Variants in MYLK3 observed in about 807,000 individuals in gnomAD.
The protein encoded by MYLK3 is myosin light chain kinase 3.
MYLK3 carries 55 observed loss-of-function variants against 76.3 expected under a neutral mutation model. The ratio of observed to expected loss-of-function variants is 0.72; its 90% CI spans 0.58 to 0.90. The LOEUF is 0.90. MYLK3 is among the 40% of genes least tolerant of loss of function. The pLI is 0.00. For missense variants in MYLK3, 973 were observed against 1,053.6 expected (o/e 0.92, Z 1.06); for synonymous variants, 416 against 425.4 (o/e 0.98, Z 0.27).
At chr16:46,747,080 A>C (rs561077541) in intron 1 of MYLK3, among the ~76,000 whole-genome samples, 1 of 152,124 alleles carries the variant, frequency 6.6e-6, no homozygotes, top group Non-Finnish European at 1.5e-5. Context: ...TGTTCCCTCT[A>C]CAGACCTCAC....
chr16:46,752,589 T>G (rs951330553), upstream of MYLK3, among the ~76,000 whole-genome samples: 1 of 152,168 alleles, frequency 6.6e-6, no homozygotes, highest in African/African-American at 2.4e-5. Flanking sequence ...CAGGCTTTAT[T>G]AACCCAGGAC....
At position 46,721,192 on chromosome 16, in the gene MYLK3, G is replaced by A. The variant is rs192689311; in HGVS notation, c.1916C>T (p.Pro639Leu). The change falls in exon 9 of 13, where the codon CCG becomes CTG. Residue 639 changes from proline to leucine, a missense_variant and splice_region_variant. By Grantham distance (98) the Pro-to-Leu change is moderately conservative. This residue lies in a region of MYLK3 where 332 missense variants were observed against 416.6 expected (regional missense o/e 0.80). Transcript: ENST00000394809. The part of the protein sequence containing the change: ...QHYILHLDLK[P>L]ENILCVNQTG... ...CTGATTGACGCACAATATGTTCTCC[G>A]GCTGGGAAAGAAAGAAGTCTGCTTA... The A allele has an allele frequency of 5.2e-5, 84 of 1,614,120 alleles. 1 individual carries two copies. Among genetic ancestry groups the A allele is most frequent in the Admixed American group, 3.3e-4 (20 of 60,018 alleles).
At position 46,732,201 on chromosome 16, in the gene MYLK3, C is replaced by G; in HGVS notation, c.1462+7G>C. On this transcript the variant is annotated splice_region_variant and intron_variant, in intron 4 of 12. Transcript: ENST00000394809. ...CTCGTGTCTAGCCAGGCAACAGCCC[C>G]ACTTACCCAGAACCACGCTGCCAGC... is the stretch of plus-strand genomic sequence containing the variant. The G allele has an allele frequency of 6.4e-7, 1 of 1,570,112 alleles. No individual in the cohort carries two copies. The highest frequency in any genetic ancestry group is 2.3e-5 in the East Asian group (1 of 44,424).
intron 8 of MYLK3, chr16:46,726,711 A>G (rs1156508379): frequency 6.7e-6 from 1 of 150,210 alleles, no homozygotes; most frequent in Non-Finnish European, 1.5e-5. Flanking sequence ...GAAAGAAAGA[A>G]AGAAAGAAAG....
At position 46,702,415 on chromosome 16, in the gene MYLK3, A is replaced by G. The variant is rs1282899217; in HGVS notation, c.*5289T>C. Among the ~76,000 whole-genome samples, 1 of 152,208 alleles carries G rather than the reference A, an allele frequency of 6.6e-6. No individual in the cohort carries two copies. The highest frequency in any genetic ancestry group is 6.5e-5 in the Admixed American group (1 of 15,274). On this transcript the variant is annotated 3_prime_UTR_variant, in exon 13 of 13. Transcript: ENST00000394809. ...ACATCACCTAGACCCAAGTTATTAG[A>G]TGTTGCCATACTTGCTTAACTATAC...
intron 9 of MYLK3, 77 bp from the exon 10 acceptor site, chr16:46,712,853 G>A: frequency 1.3e-5 from 18 of 1,385,568 alleles, no homozygotes; most frequent in Non-Finnish European, 1.7e-5. Context: ...TTTCTGGTGG[G>A]ATGCAGACAT....
chr16:46,753,160 G>C (rs1332992193), upstream of MYLK3, among the ~76,000 whole-genome samples: 1 of 152,200 alleles, frequency 6.6e-6, no homozygotes, highest in Non-Finnish European at 1.5e-5. Context: ...GAATACAAAA[G>C]CTGGCATGGA....
At position 46,707,683 on chromosome 16, in the gene MYLK3, T is replaced by A; in HGVS notation, c.*21A>T. Reference sequence around the variant, plus strand: ...CTGGCCTCAGTAATTTCTGGACCCATTGGAGCAGCAGAGTTGAAGATTAGG... The same window carrying A: ...CTGGCCTCAGTAATTTCTGGACCCAATGGAGCAGCAGAGTTGAAGATTAGG... On this transcript the variant is annotated 3_prime_UTR_variant, in exon 13 of 13. Coordinates refer to ENST00000394809, the MANE Select transcript of MYLK3 (RefSeq NM_182493.3). 1.3e-6 allele frequency: 2 copies of A among 1,577,764 alleles called. No individual in the cohort carries two copies. The highest frequency in any genetic ancestry group is 1.7e-6 in the Non-Finnish European group (2 of 1,148,102).
intron 3 of MYLK3, among the ~76,000 whole-genome samples, chr16:46,735,488 G>A (rs1402694914): frequency 6.6e-6 from 1 of 152,130 alleles, no homozygotes; most frequent in Non-Finnish European, 1.5e-5. Flanking sequence ...TTACAAGCAT[G>A]AGCCACTGTG....
At chr16:46,726,074 G>A (rs1966840024) in intron 8 of MYLK3, 1 of 152,162 alleles carries the variant, frequency 6.6e-6, no homozygotes. Context: ...AGCACCATTT[G>A]TTGAATAGGG....
chr16:46,727,329 G>C lies in MYLK3; in HGVS notation c.1821C>G (p.His607Gln), dbSNP rs1412745879. Residue 607 changes from histidine to glutamine, a missense_variant, in exon 8 of 13, where the codon CAC becomes CAG. Coordinates refer to ENST00000394809, the MANE Select transcript of MYLK3 (RefSeq NM_182493.3). ...ACAGGACCACATCCAGCTCAGTCAG[G>C]TGGTACTTCTCATCTGTGATCCGGT... ...LFDRITDEKY[H>Q]LTELDVVLFT... is the part of the protein sequence containing the mutation. 1 of 1,613,824 alleles carries C rather than the reference G, an allele frequency of 6.2e-7. No individual in the cohort carries two copies. Among genetic ancestry groups the C allele is most frequent in the African/African-American group, 1.3e-5 (1 of 74,950 alleles).
Position 46,732,198 on chromosome 16 carries a change from C to A in MYLK3, c.1462+10G>T. 2.6e-6 allele frequency: 4 copies of A among 1,563,106 alleles called. No homozygotes were observed. Among genetic ancestry groups the A allele is most frequent in the Non-Finnish European group, 3.5e-6 (4 of 1,158,478 alleles). ...GGGCTCGTGTCTAGCCAGGCAACAG[C>A]CCCACTTACCCAGAACCACGCTGCC... is the stretch of plus-strand genomic sequence containing the variant. On this transcript the variant is annotated intron_variant, in intron 4 of 12. Coordinates refer to ENST00000394809, the MANE Select transcript of MYLK3 (RefSeq NM_182493.3).
rs1478924228 is a variant in MYLK3 at position 46,732,166 on chromosome 16, C to A, written c.1462+42G>T. 2.0e-6 allele frequency: 3 copies of A among 1,495,470 alleles called. No individual in the cohort carries two copies. In the South Asian group the frequency reaches 3.9e-5, roughly 19 times the overall value. The allele number at this position is 1,495,470 out of a possible 1,614,324, so 92.6% of individuals were successfully genotyped here. A position where few individuals can be genotyped will look rare whatever the true frequency, so the allele number is the denominator to read the frequency against. Reference sequence around the variant, plus strand: ...CAGGAGTAGGGGCTCCAAACTCCCTCCCCTCAGGGCTCGTGTCTAGCCAGG... The same window carrying A: ...CAGGAGTAGGGGCTCCAAACTCCCTACCCTCAGGGCTCGTGTCTAGCCAGG... On this transcript the variant is annotated intron_variant, in intron 4 of 12. Coordinates refer to ENST00000394809, the MANE Select transcript of MYLK3 (RefSeq NM_182493.3).
intron 9 of MYLK3, among the ~76,000 whole-genome samples, chr16:46,718,442 G>A (rs148758250): frequency 6.6e-6 from 1 of 152,212 alleles, no homozygotes. Flanking sequence ...CACTGAAAAT[G>A]CATCATCACA....
chr16:46,737,573 G>A (rs560125963), intron 3 of MYLK3, 138 bp downstream of exon 3: 1 of 785,152 alleles, frequency 1.3e-6, no homozygotes, highest in Non-Finnish European at 2.0e-6. Flanking sequence ...CCCAGAGGCA[G>A]GGCCCAGGCC....
intron 7 of MYLK3, 120 bp downstream of exon 7, chr16:46,728,904 G>C: frequency 1.4e-6 from 1 of 715,446 alleles, no homozygotes; most frequent in Non-Finnish European, 2.4e-6. Flanking sequence ...AGGATGACAC[G>C]ACCCTGGACG....
upstream of MYLK3, among the ~76,000 whole-genome samples, chr16:46,752,087 A>G (rs1302768815): frequency 6.6e-6 from 1 of 152,044 alleles, no homozygotes; most frequent in Non-Finnish European, 1.5e-5. Context: ...AGGGCAGCGG[A>G]TCCTCTCGCG....
intron 9 of MYLK3, among the ~76,000 whole-genome samples, chr16:46,716,493 A>T (rs74804631): frequency 5.5e-5 from 3 of 54,780 alleles, no homozygotes; most frequent in African/African-American, 1.3e-4. Context: ...GTATGTGTAT[A>T]TATATGTGTG....
intron 1 of MYLK3, among the ~76,000 whole-genome samples, chr16:46,744,025 T>A (rs1056264720): frequency 2.0e-5 from 3 of 152,208 alleles, no homozygotes; most frequent in Non-Finnish European, 4.4e-5. Context: ...ACAAATAAAC[T>A]GTAAATTTTA....
Sources: gnomAD v4.1 joint callset for allele counts (sites outside exome capture counted in the v4.1 genomes callset) on GRCh38, gnomAD v4.1.1 for gene constraint, gnomAD v4.1.1 regional missense constraint, MANE v1.5 for transcripts, NCBI Gene and HGNC (gene_info 2026-07-23, HGNC 2026-07-21) for gene names.